Variants in XPA observed in about 807,000 individuals in gnomAD.
XPA encodes the protein DNA repair protein complementing XP-A cells.
In XPA, 27 loss-of-function variants were observed where a neutral mutation model predicts 35.7. The observed-to-expected ratio is 0.76, with a 90% CI of 0.56 to 1.04. The LOEUF (loss-of-function observed/expected upper bound fraction) is 1.04. Ranked by LOEUF, XPA falls within the 50% of genes least tolerant of loss-of-function variation. The probability of loss-of-function intolerance (pLI) is 0.00; values close to 1 mark genes in which losing one functional copy is unlikely to be tolerated. For missense variants in XPA, 354 were observed against 342.7 expected (o/e 1.03, Z -0.26); for synonymous variants, 133 against 118.4 (o/e 1.12, Z -0.80).
the XPA span, among the ~76,000 whole-genome samples, chr9:97,665,311 A>G: frequency 1.3e-5 from 2 of 152,198 alleles, no homozygotes; most frequent in Admixed American, 1.3e-4. Flanking sequence ...TGTTTTAACC[A>G]TTGTCCTGAG....
At chr9:97,674,423 A>AG (rs992742683), downstream of XPA, among the ~76,000 whole-genome samples, 2 of 152,134 alleles carry the variant, frequency 1.3e-5, no homozygotes, top group African/African-American at 4.8e-5. Flanking sequence ...TCTCCATTAA[A>AG]GAAAAAAAAA....
Position 97,675,601 on chromosome 9 carries a change from T to G in XPA, c.674-14A>C. On this transcript the variant is annotated splice_polypyrimidine_tract_variant and intron_variant, in intron 5 of 5. Coordinates refer to ENST00000375128, the MANE Select transcript of XPA (RefSeq NM_000380.4). ...CTCGCCGCAATTCTGAAAAAAAAAT[T>G]TTAAAGTCATCTTTTCAGTGGTGCT... The G allele has an allele frequency of 2.5e-6, 4 of 1,613,912 alleles. No individual in the cohort carries two copies. The highest frequency in any genetic ancestry group is 1.1e-5 in the South Asian group (1 of 91,076).
chr9:97,686,772 C>G (rs1024464876), intron 4 of XPA, among the ~76,000 whole-genome samples: 4 of 151,930 alleles, frequency 2.6e-5, no homozygotes, highest in Non-Finnish European at 4.4e-5. Context: ...ACAAAAAATA[C>G]AAAAAACTAG....
At chr9:97,654,867 C>T in the XPA span, 1 of 1,613,076 alleles carries the variant, frequency 6.2e-7, no homozygotes, top group Non-Finnish European at 8.5e-7. Context: ...TTTTCCTTAT[C>T]CTAAATTCAC....
intron 4 of XPA, 97 bp downstream of exon 4, chr9:97,686,999 T>C: frequency 7.9e-7 from 1 of 1,263,352 alleles, no homozygotes; most frequent in South Asian, 1.4e-5. Context: ...GAAAAGAGTT[T>C]TTCCACACTC....
At position 97,674,967 on chromosome 9, in the gene XPA, C is replaced by G; in HGVS notation, c.*472G>C. 1 of 522,432 alleles carries G rather than the reference C, an allele frequency of 1.9e-6. No homozygotes were observed. Among genetic ancestry groups the G allele is most frequent in the East Asian group, 4.1e-5 (1 of 24,330 alleles). 32.4% of individuals were successfully genotyped at this position (522,432 alleles called of 1,614,324 possible). On this transcript the variant is annotated 3_prime_UTR_variant, in exon 6 of 6. Coordinates refer to ENST00000375128, the MANE Select transcript of XPA (RefSeq NM_000380.4). ...ATTAGGGCTTTTTCCAGCAGTAGTTCCCCACTGTTTCCACCATCGTGGAGA... is the reference window on the plus strand; with the variant it reads ...ATTAGGGCTTTTTCCAGCAGTAGTTGCCCACTGTTTCCACCATCGTGGAGA...
chr9:97,685,512 A>AT (rs796610538), intron 4 of XPA, among the ~76,000 whole-genome samples: 30 of 151,684 alleles, frequency 2.0e-4, no homozygotes, highest in Admixed American at 2.0e-4. Flanking sequence ...TGCAGGATAT[A>AT]TTTTTTTTTA....
At chr9:97,665,389 A>G in the XPA span, among the ~76,000 whole-genome samples, 1 of 152,212 alleles carries the variant, frequency 6.6e-6, no homozygotes, top group Admixed American at 6.5e-5. Context: ...TATTGTCCAC[A>G]TTTTACAGAA....
the XPA span, chr9:97,661,053 C>A: frequency 6.2e-7 from 1 of 1,612,468 alleles, no homozygotes; most frequent in South Asian, 1.1e-5. Flanking sequence ...AAATCCTAAC[C>A]AGGATGATGA....
the XPA span, among the ~76,000 whole-genome samples, chr9:97,667,866 A>G: frequency 1.3e-5 from 2 of 152,238 alleles, no homozygotes; most frequent in African/African-American, 4.8e-5. Context: ...GCCCCATTGA[A>G]GAAAGGTCTA....
the XPA span, chr9:97,666,954 T>C: frequency 8.4e-6 from 9 of 1,075,868 alleles, no homozygotes; most frequent in African/African-American, 1.5e-4. Context: ...GTTCATTATC[T>C]TGATGATATT....
At chr9:97,694,700 C>T (rs1455947339) in intron 1 of XPA, among the ~76,000 whole-genome samples, 2 of 152,164 alleles carry the variant, frequency 1.3e-5, no homozygotes, top group Non-Finnish European at 2.9e-5. Context: ...GCAATATCTA[C>T]TAAAGCTTAA....
At chr9:97,662,969 C>G in the XPA span, 1 of 1,612,240 alleles carries the variant, frequency 6.2e-7, no homozygotes, top group South Asian at 1.1e-5. Flanking sequence ...ATGAAGTCTT[C>G]AAAACCCTAG....
chr9:97,667,615 T>G, the XPA span, among the ~76,000 whole-genome samples: 2 of 152,214 alleles, frequency 1.3e-5, no homozygotes, highest in Non-Finnish European at 1.5e-5. Flanking sequence ...GTAGGTTGCA[T>G]AGCTGGTAAA....
At chr9:97,657,924 ATAT>A in the XPA span, among the ~76,000 whole-genome samples, 6,264 of 119,098 alleles carry the variant, frequency 0.053, 126 homozygotes, top group African/African-American at 0.082. Flanking sequence ...ATATATATAT[ATAT>A]TTTTTTTTTT....
At chr9:97,658,831 T>C in the XPA span, 4 of 1,052,368 alleles carry the variant, frequency 3.8e-6, no homozygotes, top group Non-Finnish European at 5.8e-6. Flanking sequence ...GAAATTGAAC[T>C]TTTTCTTTTC....
At chr9:97,657,922 A>AT in the XPA span, among the ~76,000 whole-genome samples, 29 of 117,328 alleles carry the variant, frequency 2.5e-4, no homozygotes, top group East Asian at 6.2e-3. Context: ...ATATATATAT[A>AT]TATATTTTTT....
At chr9:97,666,240 T>A in the XPA span, among the ~76,000 whole-genome samples, 1 of 152,236 alleles carries the variant, frequency 6.6e-6, no homozygotes, top group Non-Finnish European at 1.5e-5. Context: ...AAAGCTGACA[T>A]ATAATTATCT....
downstream of XPA, chr9:97,671,283 T>G (rs1039507823): frequency 7.3e-6 from 7 of 960,244 alleles, no homozygotes; most frequent in South Asian, 3.1e-5. Context: ...ATGCTTGCTT[T>G]CTTGTAGTAT....
Sources: gnomAD v4.1 joint callset for allele counts (sites outside exome capture counted in the v4.1 genomes callset) on GRCh38, gnomAD v4.1.1 for gene constraint, MANE v1.5 for transcripts, NCBI Gene and HGNC (gene_info 2026-07-23, HGNC 2026-07-21) for gene names.